COA3: variants seen among roughly 807,000 people sequenced by gnomAD.
COA3 encodes cytochrome c oxidase assembly factor 3 homolog, mitochondrial.
Under a neutral mutation model 10.1 loss-of-function variants are expected in COA3, and 10 were observed. The ratio of observed to expected loss-of-function variants is 0.99; its 90% CI spans 0.61 to 1.67. The LOEUF is 1.67. Among genes scored for constraint, COA3 ranks in the 40% most tolerant of loss-of-function variants. The pLI is 0.00. For missense variants in COA3, 142 were observed against 140.7 expected, an observed-to-expected ratio of 1.01 and a Z score of -0.05; for synonymous variants, 57 against 63.1, an observed-to-expected ratio of 0.90 and a Z score of 0.46.
Position 42,798,170 on chromosome 17 carries a change from G to A in COA3, c.215-3C>T, listed in dbSNP as rs778300361. 9.4e-6 allele frequency: 15 copies of A among 1,602,022 alleles called. No individual in the cohort carries two copies. The highest frequency in any genetic ancestry group is 1.7e-5 in the Admixed American group (1 of 59,970). ...AATCGAGTAGAAGGTGTAACCATCT[G>A]GGGAGGTAGGTTCAGGAAACCACAC... On this transcript the variant is annotated splice_region_variant and splice_polypyrimidine_tract_variant and intron_variant, in intron 1 of 1. Transcript: ENST00000328434.
rs536561808 is a variant in COA3, at chr17:42,798,227, C to T, written c.215-60G>A. On this transcript the variant is annotated intron_variant, in intron 1 of 1. Coordinates refer to ENST00000328434, the MANE Select transcript of COA3 (RefSeq NM_001040431.3). ...TGCACATTCCCCTTTCCTAGATTTG[C>T]TCTACCACTCTTGTTACTCTCCCAA... 14 of 1,259,194 alleles carry T rather than the reference C, an allele frequency of 1.1e-5. No homozygotes were observed. In the East Asian group the frequency reaches 3.0e-4, roughly 27 times the overall value. The allele number at this position is 1,259,194 out of a possible 1,614,324, so 78.0% of individuals were successfully genotyped here.
In COA3 at chr17:42,798,553, A is replaced by T; in HGVS notation, c.129T>A (p.Leu43=). ...EQLHSMRQAE[L]AQWQKVLPRR... ...GTGGTAGGACCTTCTGCCACTGGGC[A>T]AGCTCCGCCTGCCGCATGGAATGCA... The change falls in exon 1 of 2, where the codon CTT becomes CTA. Residue 43 remains leucine (L), a synonymous_variant. Transcript: ENST00000328434. 6.2e-7 allele frequency: 1 copy of T among 1,613,862 alleles called. No homozygotes were observed. The highest frequency in any genetic ancestry group is 8.5e-7 in the Non-Finnish European group (1 of 1,180,034).
Position 42,798,114 on chromosome 17 carries a change from C to T in COA3, c.268G>A (p.Asp90Asn), listed in dbSNP as rs1037027908. 8 of 1,614,030 alleles carry T rather than the reference C, an allele frequency of 5.0e-6. No individual in the cohort carries two copies. Among genetic ancestry groups the T allele is most frequent in the Non-Finnish European group, 5.1e-6 (6 of 1,180,042 alleles). Residue 90 changes from aspartate to asparagine, a missense_variant, in exon 2 of 2, where the codon GAC becomes AAC. Asp to Asn is a conservative substitution (Grantham distance 23). Transcript: ENST00000328434. ...SQERFLDELE[D>N]EAKAARARAL... ...CGGGCTCGGGCAGCTTTGGCCTCGT[C>T]TTCTAGCTCATCTAGGAAACGCTCC...
rs767772650 is a variant in COA3, at chr17:42,798,059, G to C, written c.*2C>G. On this transcript the variant is annotated 3_prime_UTR_variant, in exon 2 of 2. Transcript: ENST00000328434. ...GTTGGACATGATCAATACCCATCCAGATTAGGACCCTGACGCCCTTGCCAG... is the reference window on the plus strand; with the variant it reads ...GTTGGACATGATCAATACCCATCCACATTAGGACCCTGACGCCCTTGCCAG... 1 of 1,612,450 alleles carries C rather than the reference G, an allele frequency of 6.2e-7. No homozygotes were observed. Among genetic ancestry groups the C allele is most frequent in the South Asian group, 1.1e-5 (1 of 91,000 alleles).
intron 1 of COA3, 90 bp from the exon 2 acceptor site, chr17:42,798,257 G>A: frequency 1.9e-6 from 2 of 1,050,484 alleles, no homozygotes; most frequent in Non-Finnish European, 1.4e-6. Flanking sequence ...TCCCAAATCA[G>A]TGATTCCGGC....
chr17:42,798,483 G>A lies in COA3; in HGVS notation c.199C>T (p.Leu67=), dbSNP rs1304125851. Residue 67 remains leucine (L), a synonymous_variant, in exon 1 of 2, where the codon CTG becomes TTG. Transcript: ENST00000328434. ...GGACGGATACAAATAGCCAACACCA[G>A]GGCCCCGATGCCTAGGCCGGTCACG... The part of the protein sequence containing the change: ...NIVTGLGIGA[L]VLAIYGYTFY... 6 of 1,612,944 alleles carry A rather than the reference G, an allele frequency of 3.7e-6. No individual in the cohort carries two copies. In the African/African-American group the frequency reaches 6.7e-5, roughly 18 times the overall value.
rs747394493 is a variant in COA3 at position 42,797,904 on chromosome 17, T to G, written c.*157A>C. ...TTCTGTTCTTTTGACATTGGCCAAA[T>G]GCGTAAGTCCCTGGTTTCTTGGGCT... On this transcript the variant is annotated 3_prime_UTR_variant, in exon 2 of 2. Transcript: ENST00000328434. The G allele has an allele frequency of 2.0e-5, 12 of 585,912 alleles. No homozygotes were observed. Among genetic ancestry groups the G allele is most frequent in the Non-Finnish European group, 3.6e-5 (12 of 329,766 alleles). The allele number at this position is 585,912 out of a possible 1,614,324, so 36.3% of individuals were successfully genotyped here. A position where few individuals can be genotyped will look rare whatever the true frequency, so the allele number is the denominator to read the frequency against.
rs1250256829 is a variant in COA3, at chr17:42,797,728, T to G, written c.*333A>C. ...CACAGAGCTGCCACGTCTAACCTCG[T>G]AACAACTGCGTCCCTGGAAGGTGAA... On this transcript the variant is annotated 3_prime_UTR_variant, in exon 2 of 2. Coordinates refer to ENST00000328434, the MANE Select transcript of COA3 (RefSeq NM_001040431.3). 1 of 234,926 alleles carries G rather than the reference T, an allele frequency of 4.3e-6. No individual in the cohort carries two copies. Among genetic ancestry groups the G allele is most frequent in the Non-Finnish European group, 8.4e-6 (1 of 118,792 alleles). 14.6% of individuals were successfully genotyped at this position (234,926 alleles called of 1,614,324 possible).
intron 1 of COA3, 38 bp downstream of exon 1, chr17:42,798,430 A>G (rs370307086): frequency 1.8e-5 from 29 of 1,598,600 alleles, no homozygotes; most frequent in African/African-American, 5.4e-5. Flanking sequence ...CCCTGCCCCT[A>G]TATGCGGTCC....
At position 42,798,616 on chromosome 17, in the gene COA3, A is replaced by G. The variant is rs1449070216; in HGVS notation, c.66T>C (p.Arg22=). Residue 22 remains arginine (R), a synonymous_variant, in exon 1 of 2, where the codon CGT becomes CGC. Transcript: ENST00000328434. ...TCAGCTTCTCCCGAGTCGGGTCGATACGCTGAGCGAACGGGGCCTCTCCAC... is the reference window on the plus strand; with the variant it reads ...TCAGCTTCTCCCGAGTCGGGTCGATGCGCTGAGCGAACGGGGCCTCTCCAC... ...SKRGEAPFAQ[R]IDPTREKLTP... is the part of the protein sequence containing the mutation. 1 of 1,614,160 alleles carries G rather than the reference A, an allele frequency of 6.2e-7. No homozygotes were observed. Among genetic ancestry groups the G allele is most frequent in the Non-Finnish European group, 8.5e-7 (1 of 1,180,026 alleles).
At chr17:42,798,360 G>GT in intron 1 of COA3, 108 bp downstream of exon 1, 1 of 1,121,582 alleles carries the variant, frequency 8.9e-7, no homozygotes, top group Non-Finnish European at 1.3e-6. Context: ...ACAAAGGAAA[G>GT]TACTACCCAT....
chr17:42,798,339 C>A, intron 1 of COA3, 129 bp downstream of exon 1: 3 of 1,018,034 alleles, frequency 2.9e-6, no homozygotes, highest in Non-Finnish European at 2.9e-6. Context: ...TAAAAGAGTA[C>A]CTTAGGAATA....
Position 42,798,563 on chromosome 17 carries a change from T to A in COA3, c.119A>T (p.Gln40Leu). Residue 40 changes from glutamine to leucine, a missense_variant, in exon 1 of 2, where the codon CAG becomes CTG. Coordinates refer to ENST00000328434, the MANE Select transcript of COA3 (RefSeq NM_001040431.3). The part of the protein sequence containing the change: ...LTPEQLHSMR[Q>L]AELAQWQKVL... ...CTTCTGCCACTGGGCAAGCTCCGCC[T>A]GCCGCATGGAATGCAGTTGCTCGGG... 1 of 1,614,136 alleles carries A rather than the reference T, an allele frequency of 6.2e-7. No individual in the cohort carries two copies. Among genetic ancestry groups the A allele is most frequent in the Non-Finnish European group, 8.5e-7 (1 of 1,180,044 alleles).
Position 42,797,936 on chromosome 17 carries a change from C to T in COA3, c.*125G>A, listed in dbSNP as rs61757401. ...GTCCCTGGTTTCTTGGGCTCAATCA[C>T]GGTCCAAGGTTAGTAAGAAGGCCAA... On this transcript the variant is annotated 3_prime_UTR_variant, in exon 2 of 2. Coordinates refer to ENST00000328434, the MANE Select transcript of COA3 (RefSeq NM_001040431.3). 5 of 658,686 alleles carry T rather than the reference C, an allele frequency of 7.6e-6. No individual in the cohort carries two copies. Among genetic ancestry groups the T allele is most frequent in the African/African-American group, 1.8e-5 (1 of 55,062 alleles). 40.8% of individuals were successfully genotyped at this position (658,686 alleles called of 1,614,324 possible). A position where few individuals can be genotyped will look rare whatever the true frequency, so the allele number is the denominator to read the frequency against.
At position 42,798,666 on chromosome 17, in the gene COA3, C is replaced by G; in HGVS notation, c.16G>C (p.Ala6Pro). Residue 6 changes from alanine to proline, a missense_variant, in exon 1 of 2, where the codon GCT (alanine) becomes CCT (proline). By Grantham distance (27) the Ala-to-Pro change is conservative. Coordinates refer to ENST00000328434, the MANE Select transcript of COA3 (RefSeq NM_001040431.3). MASSG[A>P]GDPLDSKRGE... ...CGCTTAGAATCCAGAGGGTCACCAGCTCCCGAAGACGCCATGTTGCCACTC... is the reference window on the plus strand; with the variant it reads ...CGCTTAGAATCCAGAGGGTCACCAGGTCCCGAAGACGCCATGTTGCCACTC... 5 of 1,612,118 alleles carry G rather than the reference C, an allele frequency of 3.1e-6. No individual in the cohort carries two copies. Among genetic ancestry groups the G allele is most frequent in the Non-Finnish European group, 4.2e-6 (5 of 1,178,482 alleles).
chr17:42,798,565 C>A lies in COA3; in HGVS notation c.117G>T (p.Arg39=). ...KLTPEQLHSM[R]QAELAQWQKV... is the part of the protein sequence containing the mutation. ...TCTGCCACTGGGCAAGCTCCGCCTGCCGCATGGAATGCAGTTGCTCGGGTG... is the reference window on the plus strand; with the variant it reads ...TCTGCCACTGGGCAAGCTCCGCCTGACGCATGGAATGCAGTTGCTCGGGTG... The change falls in exon 1 of 2, where the codon CGG becomes CGT. Residue 39 remains arginine (R), a synonymous_variant. Coordinates refer to ENST00000328434, the MANE Select transcript of COA3 (RefSeq NM_001040431.3). 6.2e-7 allele frequency: 1 copy of A among 1,614,166 alleles called. No individual in the cohort carries two copies. The highest frequency in any genetic ancestry group is 8.5e-7 in the Non-Finnish European group (1 of 1,180,048).
Position 42,797,969 on chromosome 17 carries a change from G to C in COA3, c.*92C>G. The stretch of plus-strand genomic sequence containing the variant: ...GGTTAGTAAGAAGGCCAACAATGTT[G>C]TGAGCAGGATTCAATTTCTACAGGG... On this transcript the variant is annotated 3_prime_UTR_variant, in exon 2 of 2. Coordinates refer to ENST00000328434, the MANE Select transcript of COA3 (RefSeq NM_001040431.3). The C allele has an allele frequency of 1.2e-6, 1 of 841,698 alleles. No individual in the cohort carries two copies. The highest frequency in any genetic ancestry group is 1.9e-6 in the Non-Finnish European group (1 of 515,270). 52.1% of individuals were successfully genotyped at this position (841,698 alleles called of 1,614,324 possible). A position where few individuals can be genotyped will look rare whatever the true frequency, so the allele number is the denominator to read the frequency against.
Position 42,797,794 on chromosome 17 carries a change from G to T in COA3, c.*267C>A. 1 of 349,906 alleles carries T rather than the reference G, an allele frequency of 2.9e-6. No homozygotes were observed. The highest frequency in any genetic ancestry group is 5.2e-6 in the Non-Finnish European group (1 of 191,666). The allele number at this position is 349,906 out of a possible 1,614,324, so 21.7% of individuals were successfully genotyped here. A position where few individuals can be genotyped will look rare whatever the true frequency, so the allele number is the denominator to read the frequency against. ...AGTCAGAAACTTTGGGAAAAGCCAC[G>T]GTCGCATGCACACCTCTCAAACAAG... is the stretch of plus-strand genomic sequence containing the variant. On this transcript the variant is annotated 3_prime_UTR_variant, in exon 2 of 2. Coordinates refer to ENST00000328434, the MANE Select transcript of COA3 (RefSeq NM_001040431.3).
In COA3 at chr17:42,797,853, A is replaced by G; in HGVS notation, c.*208T>C. 1.9e-6 allele frequency: 1 copy of G among 518,952 alleles called. No individual in the cohort carries two copies. Among genetic ancestry groups the G allele is most frequent in the South Asian group, 2.8e-5 (1 of 35,444 alleles). 32.1% of individuals were successfully genotyped at this position (518,952 alleles called of 1,614,324 possible). A position where few individuals can be genotyped will look rare whatever the true frequency, so the allele number is the denominator to read the frequency against. On this transcript the variant is annotated 3_prime_UTR_variant, in exon 2 of 2. Transcript: ENST00000328434. ...CTACAAGAAAGGGCTCAGTCATTGT[A>G]CACAGCAAGTGTGCAGTGGGCAAAG...
Sources: gnomAD v4.1 joint callset for allele counts on GRCh38, gnomAD v4.1.1 for gene constraint, MANE v1.5 for transcripts, NCBI Gene and HGNC (gene_info 2026-07-23, HGNC 2026-07-21) for gene names.